Variants in ELF1 observed in about 807,000 individuals in gnomAD.
ELF1 encodes the protein E74 like ETS transcription factor 1.
A neutral mutation model predicts 59.9 loss-of-function variants in ELF1; 24 were observed. The ratio of observed to expected loss-of-function variants is 0.40; its 90% confidence interval spans 0.29 to 0.56. The LOEUF is 0.56. Among genes scored for constraint, ELF1 ranks in the 20% least tolerant of loss-of-function variants. ELF1 has a pLI of 0.44. For missense variants in ELF1, 627 were observed against 742.2 expected (o/e 0.84, Z 1.80); for synonymous variants, 248 against 266.2 (o/e 0.93, Z 0.67).
At chr13:40,953,539 T>G (rs1776878819) in intron 3 of ELF1, among the ~76,000 whole-genome samples, 1 of 152,136 alleles carries the variant, frequency 6.6e-6, no homozygotes. Context: ...CAGAAGGAAT[T>G]AACTCTACCA....
chr13:40,951,172 G>A (rs1409435574), intron 4 of ELF1, among the ~76,000 whole-genome samples, 157 bp downstream of exon 4: 1 of 152,084 alleles, frequency 6.6e-6, no homozygotes, highest in Non-Finnish European at 1.5e-5. Context: ...TTAACTCTAC[G>A]TTTTTGCAAA....
At chr13:40,981,780 T>C (rs953047075) in intron 2 of ELF1, among the ~76,000 whole-genome samples, 1 of 152,132 alleles carries the variant, frequency 6.6e-6, no homozygotes, top group African/African-American at 2.4e-5. Context: ...CTTGTTACCA[T>C]ATCAAAGCTA....
chr13:40,948,139 T>C (rs1566167759), intron 5 of ELF1, among the ~76,000 whole-genome samples: 1 of 152,206 alleles, frequency 6.6e-6, no homozygotes, highest in Non-Finnish European at 1.5e-5. Context: ...CCCACCTTAA[T>C]ACATGGAGAA....
intron 2 of ELF1, among the ~76,000 whole-genome samples, chr13:40,977,788 G>A (rs1236293079): frequency 1.3e-5 from 2 of 151,932 alleles, no homozygotes; most frequent in African/African-American, 2.4e-5. Context: ...ATATCCTATC[G>A]GATATCAAAT....
At chr13:40,982,416 G>A in intron 1 of ELF1, 134 bp from the exon 2 acceptor site, 1 of 419,250 alleles carries the variant, frequency 2.4e-6, no homozygotes, top group Non-Finnish European at 3.3e-6. Context: ...CACGACTAAT[G>A]CACATACGCT....
At chr13:40,983,541 A>G (rs748699303) in intron 1 of ELF1, among the ~76,000 whole-genome samples, 1 of 152,206 alleles carries the variant, frequency 6.6e-6, no homozygotes, top group Non-Finnish European at 1.5e-5. Context: ...AATTCAGATG[A>G]TATTTCTACT....
At chr13:41,002,171 T>C (rs1874488644) in intron 1 of ELF1, among the ~76,000 whole-genome samples, 1 of 152,164 alleles carries the variant, frequency 6.6e-6, no homozygotes, top group Non-Finnish European at 1.5e-5. Context: ...CTGATTTACT[T>C]AGGGGTAACC....
chr13:41,059,429 C>T (rs1877411819), intron 1 of ELF1, among the ~76,000 whole-genome samples: 2 of 152,198 alleles, frequency 1.3e-5, no homozygotes, highest in South Asian at 4.1e-4. Flanking sequence ...AATACTTAGG[C>T]TTTTTCTTTC....
At chr13:41,044,911 C>A (rs377006429) in intron 1 of ELF1, among the ~76,000 whole-genome samples, 2 of 152,074 alleles carry the variant, frequency 1.3e-5, no homozygotes, top group Non-Finnish European at 2.9e-5. Flanking sequence ...TCGGCTGTGA[C>A]TCCATCTGGT....
At chr13:40,993,070 T>G (rs545350502) in intron 1 of ELF1, 1 of 1,608,234 alleles carries the variant, frequency 6.2e-7, no homozygotes, top group Admixed American at 1.7e-5. Flanking sequence ...GGGGCCTTCA[T>G]CATCTTGTCA....
intron 1 of ELF1, among the ~76,000 whole-genome samples, chr13:41,049,696 T>C (rs974725197): frequency 2.0e-5 from 3 of 152,206 alleles, no homozygotes; most frequent in African/African-American, 7.2e-5. Flanking sequence ...ACATAAGGCT[T>C]AGTCATCCTT....
chr13:40,992,218 C>T (rs958770178), intron 1 of ELF1, among the ~76,000 whole-genome samples: 2 of 152,158 alleles, frequency 1.3e-5, no homozygotes, highest in Non-Finnish European at 2.9e-5. Flanking sequence ...TGCCCAAAGT[C>T]GCATGAGACA....
At chr13:41,004,794 A>G (rs2138344701) in intron 1 of ELF1, among the ~76,000 whole-genome samples, 1 of 152,308 alleles carries the variant, frequency 6.6e-6, no homozygotes, top group Non-Finnish European at 1.5e-5. Context: ...AAAAGTAAAT[A>G]CCTTTTAAAT....
intron 1 of ELF1, among the ~76,000 whole-genome samples, chr13:41,055,198 GT>G (rs1691275548): frequency 6.6e-6 from 1 of 152,048 alleles, no homozygotes; most frequent in Non-Finnish European, 1.5e-5. Flanking sequence ...TTCTTCCTAA[GT>G]ATGAGCCATT....
intron 2 of ELF1, 147 bp downstream of exon 2, chr13:40,981,836 G>A (rs890930810): frequency 2.2e-6 from 2 of 913,612 alleles, no homozygotes; most frequent in African/African-American, 3.4e-5. Context: ...TTAAAACATA[G>A]TATAATATTT....
intron 1 of ELF1, among the ~76,000 whole-genome samples, chr13:41,050,771 G>T (rs555837909): frequency 2.0e-5 from 3 of 151,920 alleles, no homozygotes; most frequent in African/African-American, 7.3e-5. Context: ...GGCTGGTCTC[G>T]AACTCCTTAC....
intron 1 of ELF1, among the ~76,000 whole-genome samples, chr13:40,989,794 A>G (rs1227320353): frequency 6.6e-6 from 1 of 152,166 alleles, no homozygotes; most frequent in Non-Finnish European, 1.5e-5. Flanking sequence ...CCAGAAATAT[A>G]TTATTGTACA....
At chr13:41,010,920 G>C (rs1407477262) in intron 1 of ELF1, among the ~76,000 whole-genome samples, 1 of 152,030 alleles carries the variant, frequency 6.6e-6, no homozygotes, top group East Asian at 1.9e-4. Context: ...GTAAAAACCT[G>C]GGTTAAGATC....
chr13:41,049,854 C>T (rs1877011062), intron 1 of ELF1, among the ~76,000 whole-genome samples: 1 of 152,210 alleles, frequency 6.6e-6, no homozygotes, highest in South Asian at 2.1e-4. Flanking sequence ...CACTAAACTG[C>T]AAGCTTCATG....
Sources: gnomAD v4.1 joint callset for allele counts (sites outside exome capture counted in the v4.1 genomes callset) on GRCh38, gnomAD v4.1.1 for gene constraint, MANE v1.5 for transcripts, NCBI Gene and HGNC (gene_info 2026-07-23, HGNC 2026-07-21) for gene names.